Variants in SOX6 observed in about 807,000 individuals in gnomAD.
SOX6 encodes the protein SRY-box transcription factor 6.
Under a neutral mutation model 97.8 loss-of-function variants are expected in SOX6, and 11 were observed. That is an observed-to-expected ratio of 0.11 (90% CI 0.07 to 0.19). The LOEUF is 0.19. Among genes scored for constraint, SOX6 ranks in the 10% least tolerant of loss-of-function variants. SOX6 has a pLI of 1.00. For missense variants in SOX6, 810 were observed against 1,039.5 expected (o/e 0.78, Z 3.04); for synonymous variants, 360 against 371.4 (o/e 0.97, Z 0.35).
intron 15 of SOX6, 85 bp downstream of exon 15, chr11:15,986,119 C>A (rs1853829369): frequency 8.0e-7 from 1 of 1,249,880 alleles, no homozygotes. Flanking sequence ...TCCCTAATCT[C>A]CTTCCCAAAC....
intron 3 of SOX6, among the ~76,000 whole-genome samples, chr11:16,272,366 T>C (rs1409226356): frequency 1.3e-5 from 2 of 151,738 alleles, no homozygotes; most frequent in Non-Finnish European, 3.0e-5. Flanking sequence ...AATTTCTGTT[T>C]CTAAACACTT....
At chr11:16,487,537 G>T (rs1860456531) in intron 4 of SOX6, among the ~76,000 whole-genome samples, 1 of 152,170 alleles carries the variant, frequency 6.6e-6, no homozygotes, top group Admixed American at 6.5e-5. Context: ...CTCTTCCTGA[G>T]TTCTGCTCAC....
At chr11:16,123,734 T>A (rs1849546548) in intron 6 of SOX6, among the ~76,000 whole-genome samples, 1 of 152,054 alleles carries the variant, frequency 6.6e-6, no homozygotes, top group African/African-American at 2.4e-5. Flanking sequence ...AAGGTGACGC[T>A]GAAGATGACT....
At chr11:16,054,121 C>G (rs1238892173) in intron 10 of SOX6, among the ~76,000 whole-genome samples, 1 of 152,008 alleles carries the variant, frequency 6.6e-6, no homozygotes, top group Non-Finnish European at 1.5e-5. Context: ...ATAGTAAAAG[C>G]AGATATAAAC....
At chr11:16,253,688 GA>G (rs796125404) in intron 3 of SOX6, among the ~76,000 whole-genome samples, 21 of 149,008 alleles carry the variant, frequency 1.4e-4, no homozygotes, top group African/African-American at 4.4e-4. Flanking sequence ...AATAAGACTG[GA>G]AAAAAAAACC....
At chr11:16,543,022 A>T (rs1319974550) in intron 4 of SOX6, among the ~76,000 whole-genome samples, 1 of 152,078 alleles carries the variant, frequency 6.6e-6, no homozygotes, top group Non-Finnish European at 1.5e-5. Context: ...TTACACACAC[A>T]CACACAAACA....
At chr11:16,556,548 T>C (rs1847751154) in intron 4 of SOX6, among the ~76,000 whole-genome samples, 1 of 151,762 alleles carries the variant, frequency 6.6e-6, no homozygotes, top group Admixed American at 6.6e-5. Context: ...GAAGTGAGCA[T>C]TAAAACATTA....
chr11:16,048,173 A>G (rs1847586167), intron 11 of SOX6, among the ~76,000 whole-genome samples: 1 of 152,100 alleles, frequency 6.6e-6, no homozygotes, highest in Admixed American at 6.6e-5. Context: ...CAACTCTATA[A>G]TTTATCTCCT....
At chr11:16,489,230 T>C (rs1860477139) in intron 4 of SOX6, among the ~76,000 whole-genome samples, 1 of 152,150 alleles carries the variant, frequency 6.6e-6, no homozygotes. Flanking sequence ...CAAAAAAAAG[T>C]ATGCAGTTCT....
intron 2 of SOX6, among the ~76,000 whole-genome samples, chr11:16,325,337 A>G (rs2134314343): frequency 6.6e-6 from 1 of 152,300 alleles, no homozygotes; most frequent in Admixed American, 6.5e-5. Context: ...ACACACAAAC[A>G]TACACAAACT....
intron 1 of SOX6, among the ~76,000 whole-genome samples, chr11:16,419,477 A>G (rs938510848): frequency 1.1e-4 from 17 of 152,250 alleles, no homozygotes; most frequent in Admixed American, 3.9e-4. Context: ...CAAAATCAAG[A>G]CCAAAAGAGA....
chr11:16,161,832 T>C (rs1044258046), intron 6 of SOX6, among the ~76,000 whole-genome samples: 2 of 152,212 alleles, frequency 1.3e-5, no homozygotes, highest in African/African-American at 4.8e-5. Flanking sequence ...TTCTCTGCCA[T>C]TCACTGTTCC....
rs534132820 is a variant in SOX6, at chr11:16,436,213, T to TA, written c.-5+40101dup. On this transcript the variant is annotated intron_variant, in intron 1 of 15. Coordinates refer to the SOX6 transcript ENST00000396356. ...CCGGAACTCAAGGTAAAATAAAAAT[T>TA]AAAAAAATAGTGATTGCTGTTGGTC... Among the ~76,000 whole-genome samples, 25 of 152,246 alleles carry TA rather than the reference T, an allele frequency of 1.6e-4. No homozygotes were observed. In the South Asian group the frequency reaches 4.6e-3, roughly 28 times the overall value.
At chr11:16,131,380 T>C (rs1390725482) in intron 6 of SOX6, among the ~76,000 whole-genome samples, 1 of 151,570 alleles carries the variant, frequency 6.6e-6, no homozygotes, top group Non-Finnish European at 1.5e-5. Flanking sequence ...ACCCAAGAAA[T>C]GAAAATCAAA....
chr11:16,153,602 C>A (rs192663650), intron 6 of SOX6, among the ~76,000 whole-genome samples: 16 of 152,244 alleles, frequency 1.1e-4, no homozygotes, highest in Admixed American at 6.5e-4. Flanking sequence ...CTGAAACCCA[C>A]TGGGGTCCAA....
chr11:16,439,609 C>T (rs1015302411), intron 1 of SOX6, among the ~76,000 whole-genome samples: 11 of 152,152 alleles, frequency 7.2e-5, no homozygotes, highest in African/African-American at 2.7e-4. Context: ...TGGCTTTAAT[C>T]CTTTATCTCT....
Position 16,215,821 on chromosome 11 carries a change from A to G in SOX6, c.535+18761T>C, listed in dbSNP as rs1022342520. On this transcript the variant is annotated intron_variant, in intron 4 of 15. Transcript: ENST00000683767. ...TAAATTTCACAGTTAAGAATATGAC[A>G]TTCTCATATAGAGGATGATCACTGT... is the stretch of plus-strand genomic sequence containing the variant. 3.3e-5 allele frequency among the ~76,000 whole-genome samples: 5 copies of G among 152,332 alleles called. No individual in the cohort carries two copies. In the South Asian group the frequency reaches 1.0e-3, roughly 32 times the overall value.
intron 2 of SOX6, among the ~76,000 whole-genome samples, chr11:16,726,168 G>A (rs2134056826): frequency 6.7e-6 from 1 of 149,070 alleles, no homozygotes; most frequent in Admixed American, 7.1e-5. Flanking sequence ...CAGTACTTTG[G>A]GAGGCCAAGG....
At chr11:16,655,402 C>T (rs933346558) in intron 3 of SOX6, among the ~76,000 whole-genome samples, 7 of 151,946 alleles carry the variant, frequency 4.6e-5, no homozygotes, top group African/African-American at 1.7e-4. Flanking sequence ...GGAATCCAGA[C>T]AACATGGCTT....
Sources: allele counts gnomAD v4.1 joint callset (sites outside exome capture counted in the v4.1 genomes callset), GRCh38; gene constraint gnomAD v4.1.1; transcripts MANE v1.5; gene names NCBI Gene and HGNC (gene_info 2026-07-23, HGNC 2026-07-21).